MADCAM1: variants seen among roughly 807,000 people sequenced by gnomAD.
MADCAM1 encodes the protein mucosal vascular addressin cell adhesion molecule 1.
MADCAM1 carries 19 observed loss-of-function variants against 26.1 expected under a neutral mutation model. The ratio of observed to expected loss-of-function variants is 0.73; its 90% confidence interval spans 0.51 to 1.07. MADCAM1 has a LOEUF of 1.07. Among genes scored for constraint, MADCAM1 ranks in the 50% least tolerant of loss-of-function variants. The pLI, the probability that MADCAM1 is intolerant of heterozygous loss-of-function variation, is 0.00. For missense variants in MADCAM1, 514 were observed against 542.1 expected (o/e 0.95, Z 0.51); for synonymous variants, 268 against 260.9 (o/e 1.03, Z -0.26).
chr19:504,945 G>A lies in MADCAM1; in HGVS notation c.1129G>A (p.Val377Ile), dbSNP rs550472975. Residue 377 changes from valine to isoleucine, a missense_variant, in exon 5 of 5, where the codon GTC becomes ATC. By Grantham distance (29) the Val-to-Ile change is conservative (BLOSUM62 3). Coordinates refer to ENST00000215637, the MANE Select transcript of MADCAM1 (RefSeq NM_130760.3). ...GGCTGGGTTAAGGGGGACCGGCCAG[G>A]TCGGGATCAGCCCCTCCTGAGTGGC... ...AWAGLRGTGQ[V>I]GISPS 6 of 1,599,658 alleles carry A rather than the reference G, an allele frequency of 3.8e-6. No individual in the cohort carries two copies. The highest frequency in any genetic ancestry group is 2.2e-5 in the East Asian group (1 of 44,490).
Position 503,397 on chromosome 19 carries a change from C to T in MADCAM1, c.929-1348C>T, listed in dbSNP as rs371180131. Among the ~76,000 whole-genome samples, 282 of 150,574 alleles carry T rather than the reference C, an allele frequency of 1.9e-3. 1 individual carries two copies. The highest frequency in any genetic ancestry group is 3.8e-3 in the African/African-American group (156 of 40,932). ...GAGATCGAGACCATCCTGGCTAACA[C>T]GGTGAAACCCCGTCTCCACTAAAAA... On this transcript the variant is annotated intron_variant, in intron 4 of 4. Transcript: ENST00000215637.
At chr19:503,437 C>T (rs909182265) in intron 4 of MADCAM1, among the ~76,000 whole-genome samples, 5 of 149,990 alleles carry the variant, frequency 3.3e-5, no homozygotes, top group South Asian at 2.1e-4. Context: ...AAAAATTAGC[C>T]GGGCGTGGCA....
chr19:501,179 A>G (rs1445937759), intron 3 of MADCAM1, among the ~76,000 whole-genome samples: 1 of 150,266 alleles, frequency 6.7e-6, no homozygotes, highest in Non-Finnish European at 1.5e-5. Flanking sequence ...ACAGAGTGAG[A>G]CCCCATCTCT....
intron 1 of MADCAM1, 82 bp downstream of exon 1, chr19:496,633 G>A (rs1269677749): frequency 3.4e-6 from 3 of 882,496 alleles, no homozygotes; most frequent in Non-Finnish European, 4.3e-6. Context: ...GAGAGGGGAG[G>A]GGGCTCAGGA....
rs374901614 is a variant in MADCAM1 at position 498,478 on chromosome 19, C to T, written c.338-18C>T. Reference sequence around the variant, plus strand: ...CCTGACTCTGGGCTCAGCCCTCACCCCCGACCCTCCATCACAGCCTTCCCG... The same window carrying T: ...CCTGACTCTGGGCTCAGCCCTCACCTCCGACCCTCCATCACAGCCTTCCCG... On this transcript the variant is annotated intron_variant, in intron 2 of 4. Transcript: ENST00000215637. 1 of 1,456,706 alleles carries T rather than the reference C, an allele frequency of 6.9e-7. No homozygotes were observed. The highest frequency in any genetic ancestry group is 1.5e-5 in the South Asian group (1 of 65,616). 90.2% of individuals were successfully genotyped at this position (1,456,706 alleles called of 1,614,324 possible).
chr19:501,147 ACACTG>A (rs1203765075), intron 3 of MADCAM1, among the ~76,000 whole-genome samples: 1 of 151,542 alleles, frequency 6.6e-6, no homozygotes, highest in Non-Finnish European at 1.5e-5. Flanking sequence ...CATGATCACA[ACACTG>A]CACTCCAGCC....
chr19:502,518 T>G (rs1455272989), intron 4 of MADCAM1, among the ~76,000 whole-genome samples: 1 of 151,998 alleles, frequency 6.6e-6, no homozygotes, highest in Non-Finnish European at 1.5e-5. Context: ...ACCACGCTGG[T>G]CTCCAACTCC....
intron 4 of MADCAM1, 26 bp downstream of exon 4, chr19:501,955 G>A: frequency 1.6e-6 from 2 of 1,223,318 alleles, no homozygotes; most frequent in Non-Finnish European, 2.2e-6. Flanking sequence ...TGGGGGCAGG[G>A]AGGGTGGGAA....
Position 498,119 on chromosome 19 carries a change from T to C in MADCAM1, c.337+2T>C. 1 of 1,323,118 alleles carries C rather than the reference T, an allele frequency of 7.6e-7. No individual in the cohort carries two copies. The highest frequency in any genetic ancestry group is 2.0e-5 in the South Asian group (1 of 49,640). 82.0% of individuals were successfully genotyped at this position (1,323,118 alleles called of 1,614,324 possible). ...ACACCGTGCAGCTCCTTGTGTACGGTGAGGCGTCCCCCCGCGCCCTGCCTC... is the reference window on the plus strand; with the variant it reads ...ACACCGTGCAGCTCCTTGTGTACGGCGAGGCGTCCCCCCGCGCCCTGCCTC... On this transcript the variant is annotated splice_donor_variant, in intron 2 of 4. Coordinates refer to ENST00000215637, the MANE Select transcript of MADCAM1 (RefSeq NM_130760.3). LOFTEE classifies it high-confidence loss of function.
At position 497,988 on chromosome 19, in the gene MADCAM1, G is replaced by A. The variant is rs1419870838; in HGVS notation, c.208G>A (p.Val70Met). The A allele has an allele frequency of 2.0e-6, 3 of 1,501,854 alleles. No individual in the cohort carries two copies. Among genetic ancestry groups the A allele is most frequent in the African/African-American group, 1.4e-5 (1 of 69,848 alleles). 93.0% of individuals were successfully genotyped at this position (1,501,854 alleles called of 1,614,324 possible). A position where few individuals can be genotyped will look rare whatever the true frequency, so the allele number is the denominator to read the frequency against. ...GGGCCTGGACACCAGCCTGGGCGCG[G>A]TGCAGTCGGACACGGGCCGCAGCGT... is the stretch of plus-strand genomic sequence containing the variant. ...WRGLDTSLGA[V>M]QSDTGRSVLT... The change falls in exon 2 of 5, where the codon GTG (valine) becomes ATG (methionine). Residue 70 changes from valine to methionine, a missense_variant. Physicochemically the swap from Val to Met is conservative, Grantham distance 21. This residue lies in a region of MADCAM1 where 317 missense variants were observed against 313.6 expected (regional missense o/e 1.01). Transcript: ENST00000215637.
At chr19:498,887 C>A in intron 3 of MADCAM1, 62 bp downstream of exon 3, 3 of 73,938 alleles carry the variant, frequency 4.1e-5, no homozygotes, top group South Asian at 7.9e-5. Context: ...CACTTCGGGA[C>A]GGGGTGGGGG....
chr19:499,415 TACAA>T (rs1001779694), intron 3 of MADCAM1: 20 of 444,044 alleles, frequency 4.5e-5, no homozygotes, highest in African/African-American at 1.5e-4. Context: ...CACACACATG[TACAA>T]ACACAGACAC....
intron 4 of MADCAM1, among the ~76,000 whole-genome samples, chr19:503,280 C>G (rs1463713575): frequency 6.2e-5 from 8 of 128,790 alleles, no homozygotes; most frequent in Admixed American, 8.5e-5. Flanking sequence ...GAGCGAGACT[C>G]CATCTCAAAA....
chr19:499,745 G>C, intron 3 of MADCAM1: 1 of 452,776 alleles, frequency 2.2e-6, no homozygotes. Flanking sequence ...GGGCATAGCA[G>C]GTGCTCAATA....
At position 498,541 on chromosome 19, in the gene MADCAM1, G is replaced by A. The variant is rs1275225262; in HGVS notation, c.383G>A (p.Gly128Asp). The A allele has an allele frequency of 6.1e-6, 9 of 1,469,954 alleles. No individual in the cohort carries two copies. Among genetic ancestry groups the A allele is most frequent in the Non-Finnish European group, 8.1e-6 (9 of 1,115,906 alleles). 91.1% of individuals were successfully genotyped at this position (1,469,954 alleles called of 1,614,324 possible). A position where few individuals can be genotyped will look rare whatever the true frequency, so the allele number is the denominator to read the frequency against. Residue 128 changes from glycine to aspartate, a missense_variant, in exon 3 of 5, where the codon GGT becomes GAT. Gly to Asp is a moderately conservative substitution (Grantham distance 94). Around this residue, in one of 3 missense-constraint regions of MADCAM1, gnomAD observed 317 missense variants for 313.6 expected, o/e 1.01. Transcript: ENST00000215637. ...GTCTCCCCAGCAGCCCTGGTGCCTG[G>A]TGACCCGGAGGTGGCCTGTACGGCC... ...LTVSPAALVPGDPEVACTAHK... is the reference protein window; with the variant it reads ...LTVSPAALVPDDPEVACTAHK...
At chr19:501,542 A>G (rs1301500369) in intron 3 of MADCAM1, 127 bp from the exon 4 acceptor site, 15 of 529,816 alleles carry the variant, frequency 2.8e-5, no homozygotes, top group Non-Finnish European at 4.7e-5. Context: ...GTGACTCACC[A>G]GAGTGGTCCA....
intron 1 of MADCAM1, 53 bp from the exon 2 acceptor site, chr19:497,780 C>A (rs1600383958): frequency 2.7e-6 from 3 of 1,094,376 alleles, no homozygotes; most frequent in African/African-American, 2.1e-5. Flanking sequence ...GGGCCGGTGG[C>A]GGGGCGGGGT....
intron 3 of MADCAM1, chr19:499,382 G>A (rs1978305998): frequency 2.2e-6 from 1 of 456,000 alleles, no homozygotes; most frequent in Non-Finnish European, 4.4e-6. Context: ...GATCCCCAAC[G>A]TGTACAAACA....
Position 499,045 on chromosome 19 carries a change from T to C in MADCAM1, c.667+220T>C, listed in dbSNP as rs1020452890. 1.8e-5 allele frequency: 14 copies of C among 778,248 alleles called. No homozygotes were observed. In the Admixed American group the frequency reaches 2.8e-4, roughly 16 times the overall value. The allele number at this position is 778,248 out of a possible 1,614,324, so 48.2% of individuals were successfully genotyped here. On this transcript the variant is annotated intron_variant, in intron 3 of 4. Coordinates refer to ENST00000215637, the MANE Select transcript of MADCAM1 (RefSeq NM_130760.3). Reference sequence around the variant, plus strand: ...CCCCTCCCCTGCCCACAGCGCTCCATGGCTCTTGCCTTGGGGTCAAAGCCC... The same window carrying C: ...CCCCTCCCCTGCCCACAGCGCTCCACGGCTCTTGCCTTGGGGTCAAAGCCC...
Sources: allele counts gnomAD v4.1 joint callset (sites outside exome capture counted in the v4.1 genomes callset), GRCh38; gene constraint gnomAD v4.1.1; regional missense constraint gnomAD v4.1.1; transcripts MANE v1.5; gene names NCBI Gene and HGNC (gene_info 2026-07-23, HGNC 2026-07-21).